The following ENOX2 variants were observed in gnomAD, a reference collection of about 807,000 sequenced individuals.
The protein encoded by ENOX2 is ecto-NOX disulfide-thiol exchanger 2, also known as APK1 antigen.
A neutral mutation model predicts 45.0 loss-of-function variants in ENOX2; 36 were observed. The ratio of observed to expected loss-of-function variants is 0.80; its 90% CI spans 0.61 to 1.06. The LOEUF (loss-of-function observed/expected upper bound fraction) is 1.06. Ranked by LOEUF, ENOX2 falls within the 50% of genes least tolerant of loss-of-function variation. The pLI, the probability that ENOX2 is intolerant of heterozygous loss-of-function variation, is 0.00. For missense variants in ENOX2, 423 were observed against 462.5 expected, an observed-to-expected ratio of 0.91 and a Z score of 0.78; for synonymous variants, 174 against 152.3, an observed-to-expected ratio of 1.14 and a Z score of -1.05.
chrX:130,740,478 C>T (rs753270185), intron 3 of ENOX2, among the ~76,000 whole-genome samples: 1 of 111,159 alleles, frequency 9.0e-6, no homozygotes, highest in Non-Finnish European at 1.9e-5. Flanking sequence ...ACAATAAGTG[C>T]TATGGTGGCA....
At chrX:130,739,428 T>A (rs2038930921) in intron 3 of ENOX2, among the ~76,000 whole-genome samples, 1 of 112,552 alleles carries the variant, frequency 8.9e-6, no homozygotes, top group Admixed American at 9.4e-5. Context: ...TGACTTACGG[T>A]ATTTTCAATT....
chrX:130,822,060 T>C (rs1603360345), intron 2 of ENOX2, among the ~76,000 whole-genome samples: 1 of 69,725 alleles, frequency 1.4e-5, no homozygotes, highest in African/African-American at 6.2e-5. Flanking sequence ...AGAGTGAGAC[T>C]CCGTCTCAAA....
At chrX:130,800,877 AC>A (rs1207904774) in intron 2 of ENOX2, among the ~76,000 whole-genome samples, 1 of 112,447 alleles carries the variant, frequency 8.9e-6, no homozygotes, top group Admixed American at 9.4e-5. Flanking sequence ...TATCAATGAA[AC>A]AACTCCATTC....
At chrX:130,843,899 TG>T (rs748157939) in intron 2 of ENOX2, among the ~76,000 whole-genome samples, 1 of 112,620 alleles carries the variant, frequency 8.9e-6, no homozygotes, top group East Asian at 2.8e-4. Flanking sequence ...TAGAGTTTGA[TG>T]AATAAACTAT....
chrX:130,665,966 A>G (rs1175071126), intron 8 of ENOX2, among the ~76,000 whole-genome samples: 1 of 111,587 alleles, frequency 9.0e-6, no homozygotes, highest in Admixed American at 9.5e-5. Context: ...AACATACAGA[A>G]AGACAAAAGG....
chrX:130,710,726 C>T (rs1470567505), intron 3 of ENOX2, among the ~76,000 whole-genome samples: 1 of 111,711 alleles, frequency 9.0e-6, no homozygotes. Flanking sequence ...GTAGTTTATG[C>T]CGTACCCTAC....
intron 5 of ENOX2, among the ~76,000 whole-genome samples, chrX:130,682,846 C>T (rs959373647): frequency 9.0e-5 from 10 of 111,074 alleles, no homozygotes; most frequent in Non-Finnish European, 1.7e-4. Context: ...TGGATAGTAC[C>T]CATTCCTTAA....
chrX:130,655,730 G>A (rs1192214969), intron 10 of ENOX2, among the ~76,000 whole-genome samples: 2 of 111,790 alleles, frequency 1.8e-5, no homozygotes, highest in Admixed American at 1.9e-4. Context: ...TGCCTCCCAG[G>A]TTCAAGGGAT....
intron 2 of ENOX2, among the ~76,000 whole-genome samples, chrX:130,858,462 C>T (rs752571964): frequency 4.5e-5 from 5 of 110,494 alleles, no homozygotes; most frequent in Non-Finnish European, 7.6e-5. Context: ...TAAAGCACAC[C>T]GGGAAAAAAA....
chrX:130,636,698 A>G (rs1181291478), intron 11 of ENOX2, among the ~76,000 whole-genome samples: 2 of 112,945 alleles, frequency 1.8e-5, no homozygotes, highest in African/African-American at 6.4e-5. Context: ...ACTCATTCAC[A>G]TAAGTGACTG....
chrX:130,730,318 T>G (rs954020039), intron 3 of ENOX2, among the ~76,000 whole-genome samples: 1 of 112,480 alleles, frequency 8.9e-6, no homozygotes, highest in Non-Finnish European at 1.9e-5. Context: ...TCCTAAAGAA[T>G]AAGAAGACCA....
intron 10 of ENOX2, chrX:130,646,349 C>T: frequency 4.0e-6 from 1 of 247,935 alleles, no homozygotes; most frequent in South Asian, 6.0e-5. Flanking sequence ...GGACTTACTC[C>T]AGCCTGGGTG....
rs1477709080 is a variant in ENOX2, at chrX:130,624,508, CGT to C, written c.*804_*805del. Reference sequence around the variant, plus strand: ...GTGTGCGTGCGTGTGTGTGTTTGTGCGTGTGTGCCCACACATGAGCATATTTT... The same window carrying C: ...GTGTGCGTGCGTGTGTGTGTTTGTGCGTGTGCCCACACATGAGCATATTTT... On this transcript the variant is annotated 3_prime_UTR_variant, in exon 15 of 15. Transcript: ENST00000394363. The C allele has an allele frequency of 8.9e-6, 1 of 112,350 alleles. No individual in the cohort carries two copies. The highest frequency in any genetic ancestry group is 3.2e-5 in the African/African-American group (1 of 30,833). The allele number at this position is 112,350 out of a possible 1,213,427, so 9.3% of individuals were successfully genotyped here.
At chrX:130,825,193 T>C (rs1256605851) in intron 2 of ENOX2, among the ~76,000 whole-genome samples, 3 of 111,665 alleles carry the variant, frequency 2.7e-5, no homozygotes, top group Non-Finnish European at 3.8e-5. Context: ...TTAAAATGAA[T>C]GGATATGTAT....
chrX:130,631,478 T>C lies in ENOX2; in HGVS notation c.1518A>G (p.Ala506=), dbSNP rs1238358651. Residue 506 remains alanine (A), a synonymous_variant, in exon 13 of 15, where the codon GCA becomes GCG. Transcript: ENST00000394363. ...NSSPIKSERE[A]LLVGIISTFL... is the part of the protein sequence containing the mutation. ...CATTAGCTTCCTTACCCACTAGCAG[T>C]GCTTCACGTTCAGATTTGATAGGAC... The C allele has an allele frequency of 1.5e-5, 18 of 1,164,011 alleles. No individual in the cohort carries two copies. The highest frequency in any genetic ancestry group is 2.1e-5 in the Non-Finnish European group (18 of 853,406).
intron 2 of ENOX2, among the ~76,000 whole-genome samples, chrX:130,885,809 C>T (rs149923995): frequency 1.8e-3 from 207 of 112,202 alleles, no homozygotes; most frequent in African/African-American, 6.2e-3. Flanking sequence ...TCTATTTATT[C>T]AACAAAGCAA....
At chrX:130,818,304 C>G (rs1042130660) in intron 2 of ENOX2, among the ~76,000 whole-genome samples, 1 of 111,767 alleles carries the variant, frequency 8.9e-6, no homozygotes, top group African/African-American at 3.3e-5. Context: ...GAATCAATAT[C>G]ATGAAAATGG....
chrX:130,642,339 G>A (rs2036112723), intron 10 of ENOX2, among the ~76,000 whole-genome samples: 1 of 112,068 alleles, frequency 8.9e-6, no homozygotes, highest in African/African-American at 3.2e-5. Context: ...AATTGCTGGA[G>A]CCTCCTGATA....
At chrX:130,658,865 T>C (rs1468037703) in intron 9 of ENOX2, among the ~76,000 whole-genome samples, 1 of 112,274 alleles carries the variant, frequency 8.9e-6, no homozygotes, top group Non-Finnish European at 1.9e-5. Context: ...TATAGAAATA[T>C]GCTATAGAAA....
Sources: allele counts gnomAD v4.1 joint callset (sites outside exome capture counted in the v4.1 genomes callset), GRCh38; gene constraint gnomAD v4.1.1; transcripts MANE v1.5; gene names NCBI Gene and HGNC (gene_info 2026-07-23, HGNC 2026-07-21).